FUBP3: variants seen among roughly 807,000 people sequenced by gnomAD.
FUBP3 encodes the protein far upstream element-binding protein 3.
Under a neutral mutation model 85.6 loss-of-function variants are expected in FUBP3, and 28 were observed. The ratio of observed to expected loss-of-function variants is 0.33; its 90% confidence interval spans 0.24 to 0.45. The LOEUF is 0.45. Ranked by LOEUF, FUBP3 falls within the 20% of genes least tolerant of loss-of-function variation. The pLI is 1.00. For missense variants in FUBP3, 583 were observed against 755.1 expected (o/e 0.77, Z 2.67); for synonymous variants, 271 against 271.4 (o/e 1.00, Z 0.01).
At chr9:130,593,060 G>A (rs59223152) in intron 1 of FUBP3, among the ~76,000 whole-genome samples, 22,847 of 152,018 alleles carry the variant, frequency 0.15, 1,896 homozygotes, top group Admixed American at 0.21. Flanking sequence ...CCTGCCTCAG[G>A]GTCTTTGTAC....
intron 1 of FUBP3, among the ~76,000 whole-genome samples, chr9:130,587,062 T>TG (rs1554732502): frequency 5.4e-5 from 7 of 129,898 alleles, no homozygotes; most frequent in East Asian, 2.5e-4. Context: ...TTTGTTTTTT[T>TG]TTTTTGTTTG....
intron 1 of FUBP3, among the ~76,000 whole-genome samples, chr9:130,583,874 C>T (rs1271974454): frequency 2.6e-5 from 4 of 152,056 alleles, no homozygotes. Context: ...CAGATGAGAA[C>T]ATTTATAATG....
chr9:130,631,576 C>G lies in FUBP3; in HGVS notation c.1298C>G (p.Pro433Arg). ...EKVGGTNLGAPGAFGQSPFSQ... is the reference protein window; with the variant it reads ...EKVGGTNLGARGAFGQSPFSQ... ...CCACAGGGGACCAATCTCGGAGCAC[C>G]TGGAGCCTTCGGACAGAGTCCATTC... is the stretch of plus-strand genomic sequence containing the variant. Residue 433 changes from proline to arginine, a missense_variant, in exon 14 of 19, where the codon CCT becomes CGT. Coordinates refer to ENST00000319725, the MANE Select transcript of FUBP3 (RefSeq NM_003934.2). 6 of 1,614,012 alleles carry G rather than the reference C, an allele frequency of 3.7e-6. No homozygotes were observed. Among genetic ancestry groups the G allele is most frequent in the Non-Finnish European group, 5.1e-6 (6 of 1,179,840 alleles).
Position 130,630,752 on chromosome 9 carries a change from C to T in FUBP3, c.1242C>T (p.Ile414=), listed in dbSNP as rs373905717. The T allele has an allele frequency of 2.4e-5, 37 of 1,550,090 alleles. No individual in the cohort carries two copies. Among genetic ancestry groups the T allele is most frequent in the Middle Eastern group, 1.7e-4 (1 of 5,764 alleles). The change falls in exon 13 of 19, where the codon ATC becomes ATT. Residue 414 remains isoleucine (I), a synonymous_variant. Coordinates refer to ENST00000319725, the MANE Select transcript of FUBP3 (RefSeq NM_003934.2). Reference sequence around the variant, plus strand: ...CCATCAGGGGGGTTCCCCAGCAGATCGAGGTGGCCAGGCAGCTCATAGATG... The same window carrying T: ...CCATCAGGGGGGTTCCCCAGCAGATTGAGGTGGCCAGGCAGCTCATAGATG... ...RFTIRGVPQQ[I]EVARQLIDEK... is the part of the protein sequence containing the mutation.
rs549489149 is a variant in FUBP3 at position 130,608,212 on chromosome 9, G to A, written c.191-1742G>A. Among the ~76,000 whole-genome samples, 25 of 152,238 alleles carry A rather than the reference G, an allele frequency of 1.6e-4. No homozygotes were observed. In the South Asian group the frequency reaches 3.9e-3, roughly 24 times the overall value. On this transcript the variant is annotated intron_variant, in intron 2 of 18. Transcript: ENST00000319725. ...AACAACGCAGTGGACCAGAACCCAC[G>A]GTGCGGCCTCATTCCCCCAGCTGAG...
rs1188054483 is a variant in FUBP3, at chr9:130,595,526, C to T, written c.128C>T (p.Thr43Ile). 6.3e-7 allele frequency: 1 copy of T among 1,594,028 alleles called. No homozygotes were observed. Among genetic ancestry groups the T allele is most frequent in the Non-Finnish European group, 8.6e-7 (1 of 1,161,770 alleles). ...TCAATTCCTCACTTGAATAATTCCA[C>T]ACCTCTAGTGGACCCCTCAGTATAT... ...IDSIPHLNNSTPLVDPSVYGY... is the reference protein window; with the variant it reads ...IDSIPHLNNSIPLVDPSVYGY... Residue 43 changes from threonine (T) to isoleucine (I), a missense_variant, in exon 2 of 19, where the codon ACA becomes ATA. Thr to Ile is a moderately conservative substitution (Grantham distance 89). Around this residue, in one of 3 missense-constraint regions of FUBP3, gnomAD observed 177 missense variants for 221.9 expected, o/e 0.80. Transcript: ENST00000319725.
intron 2 of FUBP3, among the ~76,000 whole-genome samples, chr9:130,605,435 A>G (rs1427724636): frequency 1.3e-5 from 2 of 152,204 alleles, no homozygotes; most frequent in African/African-American, 4.8e-5. Flanking sequence ...ATTAAAGGAC[A>G]GGGGAAGATG....
intron 18 of FUBP3, among the ~76,000 whole-genome samples, chr9:130,636,617 G>A (rs1830430787): frequency 6.6e-6 from 1 of 152,256 alleles, no homozygotes; most frequent in Non-Finnish European, 1.5e-5. Flanking sequence ...GTTCTGTTCA[G>A]AGGCCAAAAA....
At chr9:130,596,716 A>C (rs1830891233) in intron 2 of FUBP3, 4 of 398,030 alleles carry the variant, frequency 1.0e-5, no homozygotes, top group Non-Finnish European at 2.0e-5. Context: ...CAATGTCCTG[A>C]ATAAACCCTA....
chr9:130,590,532 G>A (rs1830579707), intron 1 of FUBP3, among the ~76,000 whole-genome samples: 1 of 152,216 alleles, frequency 6.6e-6, no homozygotes, highest in South Asian at 2.1e-4. Context: ...GTAGAAAATT[G>A]GTAGCAGAGT....
chr9:130,613,550 C>T (rs1205421658), intron 5 of FUBP3, among the ~76,000 whole-genome samples: 1 of 152,154 alleles, frequency 6.6e-6, no homozygotes, highest in Non-Finnish European at 1.5e-5. Flanking sequence ...GAGTGAAGAA[C>T]AATTTTTTAT....
intron 11 of FUBP3, 51 bp from the exon 12 acceptor site, chr9:130,626,313 A>AGTG: frequency 6.4e-7 from 1 of 1,570,774 alleles, no homozygotes; most frequent in Non-Finnish European, 8.7e-7. Flanking sequence ...AGAGAGGAGC[A>AGTG]GTGGTGCTGT....
intron 2 of FUBP3, among the ~76,000 whole-genome samples, chr9:130,608,397 C>T (rs1047714559): frequency 6.6e-6 from 1 of 152,214 alleles, no homozygotes; most frequent in Admixed American, 6.5e-5. Context: ...CTCACAGGTA[C>T]TCTGTCGTTG....
chr9:130,594,337 C>T (rs1012539643), intron 1 of FUBP3, among the ~76,000 whole-genome samples: 1 of 151,962 alleles, frequency 6.6e-6, no homozygotes, highest in African/African-American at 2.4e-5. Flanking sequence ...AATCCCAGCA[C>T]TTTGGGAGGC....
chr9:130,632,330 C>G (rs999933679), intron 16 of FUBP3, 52 bp downstream of exon 16: 3 of 1,415,974 alleles, frequency 2.1e-6, no homozygotes, highest in Non-Finnish European at 3.0e-6. Context: ...TTGCGGCCCA[C>G]AGAAGTCCTG....
chr9:130,600,656 T>G (rs1483077389), intron 2 of FUBP3, among the ~76,000 whole-genome samples: 1 of 151,742 alleles, frequency 6.6e-6, no homozygotes, highest in Non-Finnish European at 1.5e-5. Context: ...GGCAACAAGC[T>G]TTTTTATAAA....
At chr9:130,598,666 A>G (rs1830983651) in intron 2 of FUBP3, among the ~76,000 whole-genome samples, 1 of 152,242 alleles carries the variant, frequency 6.6e-6, no homozygotes, top group Non-Finnish European at 1.5e-5. Flanking sequence ...ACAGCGTACT[A>G]TTTTGGATAA....
At chr9:130,620,954 T>C (rs1829720054) in intron 9 of FUBP3, among the ~76,000 whole-genome samples, 1 of 152,176 alleles carries the variant, frequency 6.6e-6, no homozygotes, top group Non-Finnish European at 1.5e-5. Context: ...GGCAGATGCA[T>C]ACAGGCAGAA....
At chr9:130,631,878 C>T (rs564570094) in intron 14 of FUBP3, 64 bp from the exon 15 acceptor site, 6 of 1,218,314 alleles carry the variant, frequency 4.9e-6, no homozygotes, top group East Asian at 2.3e-5. Flanking sequence ...CCTGGGGCTG[C>T]GGGGAGGGGA....
Sources: gnomAD v4.1 joint callset for allele counts (sites outside exome capture counted in the v4.1 genomes callset) on GRCh38, gnomAD v4.1.1 for gene constraint, gnomAD v4.1.1 regional missense constraint, MANE v1.5 for transcripts, NCBI Gene and HGNC (gene_info 2026-07-23, HGNC 2026-07-21) for gene names.